The following DYNC1I1 variants were observed in gnomAD, a reference collection of about 807,000 sequenced individuals.
DYNC1I1 encodes the protein cytoplasmic dynein 1 intermediate chain 1.
Under a neutral mutation model 86.6 loss-of-function variants are expected in DYNC1I1, and 43 were observed. That is an observed-to-expected ratio of 0.50 (90% CI 0.39 to 0.64). The LOEUF (loss-of-function observed/expected upper bound fraction) is 0.64, where lower values mean the gene tolerates loss of function less well. Among genes scored for constraint, DYNC1I1 ranks in the 30% least tolerant of loss-of-function variants. DYNC1I1 has a pLI of 0.00. For synonymous variants in DYNC1I1, 262 were observed against 283.7 expected (o/e 0.92, Z 0.77); for missense variants, 604 against 788.8 (o/e 0.77, Z 2.81).
At chr7:96,025,842 G>GT (rs932448638) in intron 10 of DYNC1I1, among the ~76,000 whole-genome samples, 4 of 89,220 alleles carry the variant, frequency 4.5e-5, no homozygotes, top group African/African-American at 1.0e-4. Flanking sequence ...CAAGCTTGCG[G>GT]GGGGGGGATA....
chr7:96,075,938 C>G (rs545938090), intron 14 of DYNC1I1, 119 bp from the exon 15 acceptor site: 7 of 1,391,864 alleles, frequency 5.0e-6, no homozygotes, highest in Non-Finnish European at 6.8e-6. Flanking sequence ...TTCTCGAGGA[C>G]TTTCATCTCG....
At chr7:95,898,536 G>A (rs1790948810) in intron 6 of DYNC1I1, among the ~76,000 whole-genome samples, 1 of 152,192 alleles carries the variant, frequency 6.6e-6, no homozygotes, top group African/African-American at 2.4e-5. Flanking sequence ...CTTGCTCACA[G>A]ATGTGTGGCC....
chr7:95,835,640 A>G (rs2115974983), intron 5 of DYNC1I1, among the ~76,000 whole-genome samples: 1 of 152,196 alleles, frequency 6.6e-6, no homozygotes, highest in East Asian at 1.9e-4. Flanking sequence ...GACTTTCTTT[A>G]TGAATCTGGG....
intron 14 of DYNC1I1, among the ~76,000 whole-genome samples, chr7:96,050,021 CA>C (rs1325932449): frequency 7.6e-6 from 1 of 132,350 alleles, no homozygotes. Flanking sequence ...GACTCCATCT[CA>C]AAAAAAACAA....
At chr7:96,022,420 G>GGA (rs770971481) in intron 10 of DYNC1I1, among the ~76,000 whole-genome samples, 3 of 151,852 alleles carry the variant, frequency 2.0e-5, no homozygotes, top group Admixed American at 6.6e-5. Context: ...GTGTCAAGAA[G>GGA]GAGCAGGTAA....
chr7:96,057,505 G>GT (rs1166068038), intron 14 of DYNC1I1, among the ~76,000 whole-genome samples: 1 of 152,158 alleles, frequency 6.6e-6, no homozygotes, highest in Non-Finnish European at 1.5e-5. Flanking sequence ...ATACCATTTA[G>GT]TAGTGGACTC....
chr7:95,895,628 C>T (rs751631041), intron 6 of DYNC1I1, among the ~76,000 whole-genome samples: 1 of 152,126 alleles, frequency 6.6e-6, no homozygotes, highest in Non-Finnish European at 1.5e-5. Context: ...CCATTTTGAA[C>T]TCGAATAAGA....
At chr7:96,077,810 T>C (rs1416604444) in intron 15 of DYNC1I1, among the ~76,000 whole-genome samples, 2 of 152,228 alleles carry the variant, frequency 1.3e-5, no homozygotes, top group Admixed American at 1.3e-4. Context: ...TTTAAATTTT[T>C]TTTAGGTAAA....
intron 14 of DYNC1I1, among the ~76,000 whole-genome samples, chr7:96,062,779 AAG>A (rs1789821712): frequency 6.6e-6 from 1 of 152,208 alleles, no homozygotes; most frequent in South Asian, 2.1e-4. Context: ...CTAAAATAAA[AAG>A]AAGTCTGCAG....
intron 6 of DYNC1I1, among the ~76,000 whole-genome samples, chr7:95,920,233 T>A (rs1791575284): frequency 6.6e-6 from 1 of 152,150 alleles, no homozygotes; most frequent in Non-Finnish European, 1.5e-5. Context: ...GGCACTTTAC[T>A]TCTGTAGTCT....
intron 6 of DYNC1I1, among the ~76,000 whole-genome samples, chr7:95,872,164 CA>C (rs1444153637): frequency 1.3e-5 from 2 of 152,176 alleles, no homozygotes; most frequent in Non-Finnish European, 2.9e-5. Context: ...GAGGTTCTAC[CA>C]TGCGGCAGAT....
chr7:96,108,589 C>T (rs182872556), intron 16 of DYNC1I1, among the ~76,000 whole-genome samples: 62 of 152,068 alleles, frequency 4.1e-4, no homozygotes, highest in Admixed American at 2.5e-3. Context: ...ATAGGCCAGG[C>T]GCGGTGGCTC....
At chr7:95,958,935 G>A (rs959197965) in intron 6 of DYNC1I1, among the ~76,000 whole-genome samples, 5 of 152,114 alleles carry the variant, frequency 3.3e-5, no homozygotes, top group African/African-American at 1.2e-4. Context: ...GCTATCATTT[G>A]GCATACAAAT....
chr7:96,085,823 T>G (rs2299291), intron 16 of DYNC1I1, among the ~76,000 whole-genome samples: 6,075 of 152,326 alleles, frequency 0.04, 299 homozygotes, highest in East Asian at 0.23. Flanking sequence ...GCTTGCAATT[T>G]GTTTGTTTTG....
chr7:95,961,249 G>A (rs978010456), intron 6 of DYNC1I1, among the ~76,000 whole-genome samples: 2 of 152,132 alleles, frequency 1.3e-5, no homozygotes, highest in African/African-American at 4.8e-5. Flanking sequence ...GAGAGAGTCA[G>A]CAGGTCTGAT....
At chr7:96,042,625 C>A (rs1011971499) in intron 14 of DYNC1I1, among the ~76,000 whole-genome samples, 8 of 152,116 alleles carry the variant, frequency 5.3e-5, no homozygotes, top group Non-Finnish European at 1.2e-4. Flanking sequence ...TCTGTTGGCC[C>A]AGACAACATC....
intron 6 of DYNC1I1, among the ~76,000 whole-genome samples, chr7:95,974,642 A>G (rs1793257337): frequency 6.6e-6 from 1 of 152,150 alleles, no homozygotes; most frequent in African/African-American, 2.4e-5. Flanking sequence ...GGCTGGGGGA[A>G]TTAACACTTC....
chr7:95,800,895 G>C (rs1017439976), intron 1 of DYNC1I1, among the ~76,000 whole-genome samples: 1 of 152,302 alleles, frequency 6.6e-6, no homozygotes, highest in Admixed American at 6.5e-5. Context: ...TTTGCTCCTC[G>C]ATTTGCTTTC....
At chr7:95,887,521 T>G (rs1297091871) in intron 6 of DYNC1I1, among the ~76,000 whole-genome samples, 1 of 152,186 alleles carries the variant, frequency 6.6e-6, no homozygotes, top group African/African-American at 2.4e-5. Flanking sequence ...CTCTTTCATT[T>G]AAACTTTAAA....
Sources: allele counts gnomAD v4.1 joint callset (sites outside exome capture counted in the v4.1 genomes callset), GRCh38; gene constraint gnomAD v4.1.1; transcripts MANE v1.5; gene names NCBI Gene and HGNC (gene_info 2026-07-23, HGNC 2026-07-21).